KANSL1L: variants seen among roughly 807,000 people sequenced by gnomAD.
The protein encoded by KANSL1L is KAT8 regulatory NSL complex subunit 1-like protein.
In KANSL1L, 25 loss-of-function variants were observed where a neutral mutation model predicts 108.6. The observed-to-expected ratio is 0.23, with a 90% CI of 0.17 to 0.32. KANSL1L has a LOEUF of 0.32. KANSL1L is among the 10% of genes least tolerant of loss of function. KANSL1L has a pLI of 1.00. For missense variants in KANSL1L, 1,137 were observed against 1,125.7 expected, an observed-to-expected ratio of 1.01 and a Z score of -0.14; for synonymous variants, 405 against 395.1, an observed-to-expected ratio of 1.03 and a Z score of -0.30.
At chr2:210,082,170 G>C (rs1035624108) in intron 5 of KANSL1L, among the ~76,000 whole-genome samples, 14 of 152,158 alleles carry the variant, frequency 9.2e-5, no homozygotes, top group African/African-American at 3.4e-4. Flanking sequence ...GGGCTCAAGC[G>C]ATCCTTCCGT....
intron 2 of KANSL1L, among the ~76,000 whole-genome samples, chr2:210,133,012 T>C (rs754443688): frequency 6.6e-6 from 1 of 152,114 alleles, no homozygotes; most frequent in Non-Finnish European, 1.5e-5. Context: ...CTATTTCTCA[T>C]TGTGTCAGTT....
rs1040801864 is a variant in KANSL1L at position 210,129,101 on chromosome 2, G to C, written c.1160C>G (p.Ala387Gly). 5 of 1,613,682 alleles carry C rather than the reference G, an allele frequency of 3.1e-6. No individual in the cohort carries two copies. The African/African-American group carries it at 6.7e-5, about 22-fold the overall frequency. ...TTTGCATTCTAGGTCTGAAATCTGAGCTTGAAGCCAAGTCCATCGGCTGCC... is the reference window on the plus strand; with the variant it reads ...TTTGCATTCTAGGTCTGAAATCTGACCTTGAAGCCAAGTCCATCGGCTGCC... ...RVGSRWTWLQ[A>G]QISDLECKIQ... Residue 387 changes from alanine (A) to glycine (G), a missense_variant, in exon 3 of 15, where the codon GCT becomes GGT. Physicochemically the swap from Ala to Gly is moderately conservative, Grantham distance 60. Transcript: ENST00000281772.
chr2:210,107,518 A>AG (rs1310759534), intron 3 of KANSL1L, among the ~76,000 whole-genome samples: 1 of 141,110 alleles, frequency 7.1e-6, no homozygotes, highest in East Asian at 2.0e-4. Context: ...CTCAAAAAAA[A>AG]AATATATATA....
chr2:210,107,072 G>C (rs2094854202), intron 3 of KANSL1L, among the ~76,000 whole-genome samples: 1 of 152,058 alleles, frequency 6.6e-6, no homozygotes, highest in African/African-American at 2.4e-5. Flanking sequence ...ACTGAAACAA[G>C]TCAAAACTCT....
intron 3 of KANSL1L, among the ~76,000 whole-genome samples, chr2:210,115,028 A>G (rs2094941276): frequency 6.6e-6 from 1 of 152,138 alleles, no homozygotes; most frequent in Non-Finnish European, 1.5e-5. Context: ...AGTGCAGGAA[A>G]TGAAAAACAA....
At chr2:210,127,672 G>A (rs1353351975) in intron 3 of KANSL1L, among the ~76,000 whole-genome samples, 1 of 151,608 alleles carries the variant, frequency 6.6e-6, no homozygotes, top group East Asian at 1.9e-4. Flanking sequence ...GGTGGCACGA[G>A]CCTCTAGTCT....
At chr2:210,085,873 T>C (rs962225858) in intron 5 of KANSL1L, among the ~76,000 whole-genome samples, 1 of 150,204 alleles carries the variant, frequency 6.7e-6, no homozygotes, top group African/African-American at 2.4e-5. Flanking sequence ...ATATTAGAGT[T>C]ATAAAGGAAA....
intron 3 of KANSL1L, among the ~76,000 whole-genome samples, chr2:210,127,903 G>A (rs186907859): frequency 4.8e-5 from 7 of 144,492 alleles, no homozygotes; most frequent in East Asian, 4.1e-4. Flanking sequence ...GAATTAAAAC[G>A]CAACAAGAAA....
rs748266292 is a variant in KANSL1L, at chr2:210,040,293, T to A, written c.2029+127A>T. The A allele has an allele frequency of 6.2e-6, 4 of 642,732 alleles. No homozygotes were observed. In the Admixed American group the frequency reaches 9.7e-5, roughly 16 times the overall value. The allele number at this position is 642,732 out of a possible 1,614,324, so 39.8% of individuals were successfully genotyped here. On this transcript the variant is annotated intron_variant, in intron 8 of 14. Transcript: ENST00000281772. ...TTATGTGTACATGAGTTGTAAAAAG[T>A]GAGTATTAAAAATTAAGGATTTTCA... is the stretch of plus-strand genomic sequence containing the variant.
intron 3 of KANSL1L, among the ~76,000 whole-genome samples, chr2:210,107,020 TAAGA>T (rs770983805): frequency 2.6e-5 from 4 of 151,878 alleles, no homozygotes; most frequent in Non-Finnish European, 4.4e-5. Flanking sequence ...ACAACATAGA[TAAGA>T]AAGACAAAAA....
intron 6 of KANSL1L, among the ~76,000 whole-genome samples, chr2:210,046,488 A>G (rs945104471): frequency 6.6e-6 from 1 of 152,184 alleles, no homozygotes; most frequent in Non-Finnish European, 1.5e-5. Flanking sequence ...GAGGCATAGG[A>G]TAGATATTCC....
At position 210,153,708 on chromosome 2, in the gene KANSL1L, A is replaced by G. The variant is rs772773730; in HGVS notation, c.875T>C (p.Ile292Thr). 1.9e-6 allele frequency: 3 copies of G among 1,603,716 alleles called. No homozygotes were observed. The East Asian group carries it at 6.7e-5, about 36-fold the overall frequency. ...LGNSLPKCTEIKPEVNTLTAE... is the reference protein window; with the variant it reads ...LGNSLPKCTETKPEVNTLTAE... ...AGTCAATGTGTTAACTTCTGGCTTA[A>G]TTTCAGTGCATTTAGGTAAACTATT... The change falls in exon 2 of 15, where the codon ATT (isoleucine) becomes ACT (threonine). Residue 292 changes from isoleucine to threonine, a missense_variant. Ile to Thr is a moderately conservative substitution (Grantham distance 89). Around this residue, in one of 3 missense-constraint regions of KANSL1L, gnomAD observed 556 missense variants for 537.7 expected, o/e 1.03. Transcript: ENST00000281772.
chr2:210,058,660 C>T (rs551679683), intron 6 of KANSL1L, among the ~76,000 whole-genome samples: 4 of 151,934 alleles, frequency 2.6e-5, no homozygotes, highest in Non-Finnish European at 5.9e-5. Context: ...GGTGAAACCC[C>T]GTCTCTACTA....
chr2:210,084,790 T>G (rs2094622428), intron 5 of KANSL1L, among the ~76,000 whole-genome samples: 1 of 152,068 alleles, frequency 6.6e-6, no homozygotes, highest in South Asian at 2.1e-4. Context: ...ATTTTTGTTT[T>G]TAGTAGAGAT....
chr2:210,167,013 T>A (rs994406062), intron 1 of KANSL1L, among the ~76,000 whole-genome samples: 2 of 151,922 alleles, frequency 1.3e-5, no homozygotes, highest in Non-Finnish European at 2.9e-5. Context: ...AGAGAGACAC[T>A]GTCTCTACAA....
Position 210,022,947 on chromosome 2 carries a change from T to C in KANSL1L, c.*2A>G. The C allele has an allele frequency of 6.3e-7, 1 of 1,596,410 alleles. No homozygotes were observed. The highest frequency in any genetic ancestry group is 8.6e-7 in the Non-Finnish European group (1 of 1,164,042). On this transcript the variant is annotated 3_prime_UTR_variant, in exon 15 of 15. Transcript: ENST00000281772. ...TACATAGTTTTCTTAACCTGTTCCC[T>C]GTCACCTATTTTTTTTAACATTAGT... is the stretch of plus-strand genomic sequence containing the variant.
intron 1 of KANSL1L, chr2:210,170,515 G>T (rs1688270396): frequency 1.5e-5 from 5 of 343,624 alleles, no homozygotes; most frequent in Non-Finnish European, 1.6e-5. Flanking sequence ...CACGCAATCT[G>T]ACTTTTTCCA....
chr2:210,112,698 A>G (rs944852636), intron 3 of KANSL1L, among the ~76,000 whole-genome samples: 15 of 152,212 alleles, frequency 9.9e-5, no homozygotes, highest in Admixed American at 2.0e-4. Flanking sequence ...TATGATGTAT[A>G]GTGATCAGAT....
intron 1 of KANSL1L, among the ~76,000 whole-genome samples, chr2:210,166,609 A>T (rs1405964257): frequency 6.6e-6 from 1 of 152,138 alleles, no homozygotes; most frequent in Non-Finnish European, 1.5e-5. Context: ...ATGCCATGGA[A>T]AATATCCTAT....
Sources: allele counts gnomAD v4.1 joint callset (sites outside exome capture counted in the v4.1 genomes callset), GRCh38; gene constraint gnomAD v4.1.1; regional missense constraint gnomAD v4.1.1; transcripts MANE v1.5; gene names NCBI Gene and HGNC (gene_info 2026-07-23, HGNC 2026-07-21).